Variants in DRP2 observed in about 807,000 individuals in gnomAD.
DRP2 encodes dystrophin related protein 2.
A neutral mutation model predicts 78.2 loss-of-function variants in DRP2; 29 were observed. The observed-to-expected ratio is 0.37, with a 90% CI of 0.28 to 0.51. The LOEUF (loss-of-function observed/expected upper bound fraction) is 0.51, where lower values mean the gene tolerates loss of function less well. Among genes scored for constraint, DRP2 ranks in the 20% least tolerant of loss-of-function variants. The pLI is 0.94. For missense variants in DRP2, 686 were observed against 770.6 expected, an observed-to-expected ratio of 0.89 and a Z score of 1.30; for synonymous variants, 290 against 281.9, an observed-to-expected ratio of 1.03 and a Z score of -0.29.
Position 101,260,515 on chromosome X carries a change from G to A in DRP2, c.2768G>A (p.Ser923Asn). 8.3e-7 allele frequency: 1 copy of A among 1,210,702 alleles called. No homozygotes were observed. Among genetic ancestry groups the A allele is most frequent in the Non-Finnish European group, 1.1e-6 (1 of 895,196 alleles). ...TEAADDVGSKSQDVSLCLEDI... is the reference protein window; with the variant it reads ...TEAADDVGSKNQDVSLCLEDI... The stretch of plus-strand genomic sequence containing the variant: ...AACCCAGATGATGTGGGGTCAAAGA[G>A]CCAGGATGTCAGCCTGTGCTTGGAG... The change falls in exon 24 of 24, where the codon AGC becomes AAC. Residue 923 changes from serine (S) to asparagine (N), a missense_variant. Physicochemically the swap from Ser to Asn is conservative, Grantham distance 46. This residue lies in a region of DRP2 where 423 missense variants were observed against 531.5 expected (regional missense o/e 0.80). Transcript: ENST00000395209.
intron 19 of DRP2, 57 bp from the exon 20 acceptor site, chrX:101,255,126 GA>G: frequency 8.7e-7 from 1 of 1,149,371 alleles, no homozygotes; most frequent in Non-Finnish European, 1.2e-6. Context: ...TAAAGTCCTT[GA>G]GATGGAAGCA....
At chrX:101,224,214 T>G (rs1449951332) in intron 1 of DRP2, among the ~76,000 whole-genome samples, 1 of 76,642 alleles carries the variant, frequency 1.3e-5, no homozygotes, top group Non-Finnish European at 2.4e-5. Flanking sequence ...TTTTTTTTTT[T>G]TTTTTTTGAG....
At chrX:101,223,863 T>G (rs1921977323) in intron 1 of DRP2, among the ~76,000 whole-genome samples, 1 of 112,035 alleles carries the variant, frequency 8.9e-6, no homozygotes, top group Non-Finnish European at 1.9e-5. Flanking sequence ...TTTCTATGAT[T>G]TATTCATTAA....
intron 3 of DRP2, among the ~76,000 whole-genome samples, chrX:101,232,760 A>G (rs1433058261): frequency 8.9e-6 from 1 of 111,983 alleles, no homozygotes; most frequent in Non-Finnish European, 1.9e-5. Flanking sequence ...CCATTAACCT[A>G]CCCCTTCCCC....
intron 1 of DRP2, among the ~76,000 whole-genome samples, chrX:101,222,799 TGAAACCTTCTGTC>T (rs770265557): frequency 1.2e-3 from 129 of 112,006 alleles, no homozygotes; most frequent in Middle Eastern, 4.6e-3. Context: ...CCAGTAGAGT[TGAAACCTTCTGTC>T]TATTCTCCAT....
At chrX:101,236,490 T>C (rs1922511512) in intron 4 of DRP2, among the ~76,000 whole-genome samples, 1 of 111,771 alleles carries the variant, frequency 8.9e-6, no homozygotes, top group African/African-American at 3.3e-5. Flanking sequence ...CCTTTTACGT[T>C]CTATCCATAA....
At chrX:101,220,346 G>A (rs1921851661) in intron 1 of DRP2, among the ~76,000 whole-genome samples, 200 bp downstream of exon 1, 1 of 106,094 alleles carries the variant, frequency 9.4e-6, no homozygotes, top group Non-Finnish European at 1.9e-5. Flanking sequence ...GCTTGCATGT[G>A]CCTTTAGTGG....
intron 7 of DRP2, 66 bp from the exon 8 acceptor site, chrX:101,242,259 G>A (rs1043634352): frequency 8.5e-7 from 1 of 1,170,573 alleles, no homozygotes; most frequent in Non-Finnish European, 1.1e-6. Flanking sequence ...GAAGAGTAGA[G>A]GTGAATGACT....
chrX:101,260,463 A>G, intron 23 of DRP2, 34 bp from the exon 24 acceptor site: 2 of 1,198,324 alleles, frequency 1.7e-6, no homozygotes, highest in Non-Finnish European at 2.2e-6. Context: ...AGGAGTCTCT[A>G]GTTCTCTTCT....
intron 18 of DRP2, 43 bp from the exon 19 acceptor site, chrX:101,254,816 T>C (rs999268587): frequency 8.3e-6 from 10 of 1,205,411 alleles, no homozygotes; most frequent in Admixed American, 2.2e-5. Context: ...GGAAACAGGC[T>C]GCCCAGTCTT....
Position 101,260,771 on chromosome X carries a change from T to G in DRP2, c.*150T>G, listed in dbSNP as rs985416324. On this transcript the variant is annotated 3_prime_UTR_variant, in exon 24 of 24. Transcript: ENST00000395209. ...GCTCTGGGCAGCAGCAGGGATCTGG[T>G]GGTATGTGAGGTGCATGCGGGCAGT... 7 of 738,038 alleles carry G rather than the reference T, an allele frequency of 9.5e-6. No homozygotes were observed. In the African/African-American group the frequency reaches 1.3e-4, roughly 14 times the overall value. 60.8% of individuals were successfully genotyped at this position (738,038 alleles called of 1,213,427 possible).
intron 9 of DRP2, among the ~76,000 whole-genome samples, chrX:101,244,764 C>T (rs779587396): frequency 8.9e-6 from 1 of 112,694 alleles, no homozygotes; most frequent in African/African-American, 3.2e-5. Context: ...TGTTCATGCC[C>T]TTGCCACATC....
intron 15 of DRP2, 147 bp downstream of exon 15, chrX:101,250,727 C>A: frequency 1.1e-6 from 1 of 936,223 alleles, no homozygotes; most frequent in Non-Finnish European, 1.5e-6. Flanking sequence ...GCAGAGGGTT[C>A]TCTGGGCTCT....
chrX:101,237,711 T>G lies in DRP2; in HGVS notation c.374T>G (p.Leu125Trp). 8.5e-7 allele frequency: 1 copy of G among 1,179,407 alleles called. No homozygotes were observed. Among genetic ancestry groups the G allele is most frequent in the Non-Finnish European group, 1.1e-6 (1 of 875,373 alleles). Reference sequence around the variant, plus strand: ...TGGCTCAGCCAAAAGGATGAGGAGTTGTCAGCTCAGCTGCCCCTACAGGGG... The same window carrying G: ...TGGCTCAGCCAAAAGGATGAGGAGTGGTCAGCTCAGCTGCCCCTACAGGGG... Reference protein sequence around the residue: ...IDWLSQKDEELSAQLPLQGDV... With the variant: ...IDWLSQKDEEWSAQLPLQGDV... Residue 125 changes from leucine to tryptophan, a missense_variant, in exon 5 of 24, where the codon TTG becomes TGG. Leu to Trp is a moderately conservative substitution (Grantham distance 61). Coordinates refer to ENST00000395209, the MANE Select transcript of DRP2 (RefSeq NM_001939.3).
At chrX:101,245,778 G>T (rs1922912269) in intron 11 of DRP2, among the ~76,000 whole-genome samples, 1 of 111,617 alleles carries the variant, frequency 9.0e-6, no homozygotes. Flanking sequence ...GGAGATACTG[G>T]TCAAGAGTAC....
intron 2 of DRP2, among the ~76,000 whole-genome samples, chrX:101,226,118 T>C (rs2147328574): frequency 8.9e-6 from 1 of 112,095 alleles, no homozygotes; most frequent in South Asian, 3.7e-4. Context: ...TCTCTTGTTT[T>C]CTTTTTACTT....
At position 101,258,332 on chromosome X, in the gene DRP2, G is replaced by A. The variant is rs1239457122; in HGVS notation, c.2414G>A (p.Arg805His). ...ENRILQGELR[R>H]LKWQHEEAAE... Reference sequence around the variant, plus strand: ...AGGATTCTCCAGGGAGAGCTGAGGCGCCTGAAGTGGCAGCATGAGGAGGCA... The same window carrying A: ...AGGATTCTCCAGGGAGAGCTGAGGCACCTGAAGTGGCAGCATGAGGAGGCA... The change falls in exon 22 of 24, where the codon CGC (arginine) becomes CAC (histidine). Residue 805 changes from arginine to histidine, a missense_variant. Around this residue, in one of 2 missense-constraint regions of DRP2, gnomAD observed 423 missense variants for 531.5 expected, o/e 0.80. Coordinates refer to ENST00000395209, the MANE Select transcript of DRP2 (RefSeq NM_001939.3). 1.4e-5 allele frequency: 16 copies of A among 1,183,245 alleles called. No homozygotes were observed. Among genetic ancestry groups the A allele is most frequent in the African/African-American group, 1.7e-5 (1 of 57,178 alleles).
At chrX:101,237,015 CAG>C (rs1193218721) in intron 4 of DRP2, among the ~76,000 whole-genome samples, 2 of 111,476 alleles carry the variant, frequency 1.8e-5, no homozygotes, top group Admixed American at 1.9e-4. Context: ...GGAGGGCAGA[CAG>C]AGATAATTAT....
At position 101,242,272 on chromosome X, in the gene DRP2, T is replaced by A. The variant is rs767082028; in HGVS notation, c.829-53T>A. On this transcript the variant is annotated intron_variant, in intron 7 of 23. Transcript: ENST00000395209. ...GGGAAGAGTAGAGGTGAATGACTAA[T>A]GTTTCTTCTTTCCCACTCTGTCTGC... The A allele has an allele frequency of 2.3e-5, 27 of 1,185,438 alleles. No individual in the cohort carries two copies. In the South Asian group the frequency reaches 5.2e-4, roughly 23 times the overall value.
Sources: gnomAD v4.1 joint callset for allele counts (sites outside exome capture counted in the v4.1 genomes callset) on GRCh38, gnomAD v4.1.1 for gene constraint, gnomAD v4.1.1 regional missense constraint, MANE v1.5 for transcripts, NCBI Gene and HGNC (gene_info 2026-07-23, HGNC 2026-07-21) for gene names.